The following RNH1 variants were observed in gnomAD, a reference collection of about 807,000 sequenced individuals.
The protein encoded by RNH1 is ribonuclease/angiogenin inhibitor 1.
Under a neutral mutation model 46.1 loss-of-function variants are expected in RNH1, and 38 were observed. That is an observed-to-expected ratio of 0.82 (90% CI 0.64 to 1.08). The LOEUF (loss-of-function observed/expected upper bound fraction) is 1.08. Ranked by LOEUF, RNH1 falls within the 50% of genes least tolerant of loss-of-function variation. RNH1 has a pLI of 0.00. For synonymous variants in RNH1, 319 were observed against 279.1 expected (o/e 1.14, Z -1.43); for missense variants, 577 against 590.7 (o/e 0.98, Z 0.24).
At chr11:498,728 C>G (rs756999715) in intron 7 of RNH1, 35 bp downstream of exon 7, 1 of 1,590,164 alleles carries the variant, frequency 6.3e-7, no homozygotes, top group Non-Finnish European at 8.5e-7. Context: ...CGCCGCCCGA[C>G]CCTCCGGGAA....
chr11:500,748 G>C lies in RNH1; in HGVS notation c.102-94C>G, dbSNP rs576431776. ...ACGTGCAGGTTACAACCTATCAGTG[G>C]GCCCAGAAGACAGCAAGGCAAGTCA... On this transcript the variant is annotated intron_variant, in intron 3 of 10. Transcript: ENST00000354420. The C allele has an allele frequency of 3.1e-4, 411 of 1,329,396 alleles. 6 individuals carry two copies. The South Asian group carries it at 4.8e-3, about 15-fold the overall frequency. 82.4% of individuals were successfully genotyped at this position (1,329,396 alleles called of 1,614,324 possible).
rs368274695 is a variant in RNH1 at position 494,674 on chromosome 11, C to T, written c.*17G>A. 16 of 1,611,818 alleles carry T rather than the reference C, an allele frequency of 9.9e-6. No individual in the cohort carries two copies. The African/African-American group carries it at 1.6e-4, about 16-fold the overall frequency. ...CTCGAGGCCGGTCGTCCAGGGAGAG[C>T]AGCAGCAGGAAGAGCCTCAGGAGAT... On this transcript the variant is annotated 3_prime_UTR_variant, in exon 11 of 11. Coordinates refer to ENST00000354420, the MANE Select transcript of RNH1 (RefSeq NM_203387.3).
At position 501,835 on chromosome 11, in the gene RNH1, C is replaced by G. The variant is rs951730200; in HGVS notation, c.101+227G>C. 7.2e-6 allele frequency: 4 copies of G among 559,266 alleles called. No individual in the cohort carries two copies. In the African/African-American group the frequency reaches 7.5e-5, roughly 11 times the overall value. The allele number at this position is 559,266 out of a possible 1,614,324, so 34.6% of individuals were successfully genotyped here. ...CCCACTGGCCAGTGGCCGCCCACCT[C>G]GGCCCGCCCACCTCAGCCCATGCTG... is the stretch of plus-strand genomic sequence containing the variant. On this transcript the variant is annotated intron_variant, in intron 3 of 10. Transcript: ENST00000354420. This position sits in a 1 kb window ranked among gnomAD's most constrained non-coding sequence, Gnocchi z 4.1.
At chr11:495,335 C>T (rs2133865868) in intron 9 of RNH1, among the ~76,000 whole-genome samples, 1 of 152,292 alleles carries the variant, frequency 6.6e-6, no homozygotes, top group East Asian at 1.9e-4. Flanking sequence ...ACCCAGAGAG[C>T]CACACCCACC....
chr11:497,835 A>G (rs1340891560), intron 9 of RNH1, 136 bp downstream of exon 9: 2 of 1,054,448 alleles, frequency 1.9e-6, no homozygotes, highest in Non-Finnish European at 2.7e-6. Flanking sequence ...ACGTGCTCAC[A>G]CTCGCCTCAC....
At chr11:499,395 C>T (rs912968973) in intron 5 of RNH1, 43 of 671,876 alleles carry the variant, frequency 6.4e-5, no homozygotes, top group Admixed American at 3.7e-4. Context: ...CACCCCCTCC[C>T]GGACCTCAGA....
chr11:495,785 G>A (rs953963266), intron 9 of RNH1, among the ~76,000 whole-genome samples: 3 of 152,156 alleles, frequency 2.0e-5, no homozygotes, highest in East Asian at 3.9e-4. Context: ...GGAAGCCCTC[G>A]AGAAACGCAG....
At chr11:498,962 C>T (rs761332507) in intron 6 of RNH1, 29 bp from the exon 7 acceptor site, 2 of 1,611,336 alleles carry the variant, frequency 1.2e-6, no homozygotes, top group Admixed American at 1.7e-5. Context: ...CGTGAGGCAG[C>T]ACGGGACCCC....
At chr11:495,114 G>C in intron 9 of RNH1, 61 bp from the exon 10 acceptor site, 1 of 1,529,590 alleles carries the variant, frequency 6.5e-7, no homozygotes, top group Non-Finnish European at 8.8e-7. Flanking sequence ...CTGACCGGCA[G>C]AGCAGGCCTG....
intron 9 of RNH1, 46 bp from the exon 10 acceptor site, chr11:495,099 CCGCACTGA>C: frequency 6.4e-7 from 1 of 1,565,340 alleles, no homozygotes; most frequent in Non-Finnish European, 8.7e-7. Flanking sequence ...GTGCCTGGCA[CCGCACTGA>C]CCGGCAGAGC....
At chr11:499,635 C>A (rs749327245) in intron 5 of RNH1, 194 bp downstream of exon 5, 3 of 755,502 alleles carry the variant, frequency 4.0e-6, no homozygotes, top group Non-Finnish European at 6.9e-6. Flanking sequence ...CAGATCCCCC[C>A]AGCCCCAGCA....
intron 1 of RNH1, chr11:505,935 A>AGT (rs1333512582): frequency 7.1e-6 from 1 of 140,152 alleles, no homozygotes; most frequent in Non-Finnish European, 1.5e-5. Context: ...GCTGGAGTGC[A>AGT]GTGGCACGAT....
rs1849807985 is a variant in RNH1, at chr11:502,188, G to A, written c.-26C>T. The A allele has an allele frequency of 1.9e-6, 3 of 1,558,352 alleles. No homozygotes were observed. Among genetic ancestry groups the A allele is most frequent in the South Asian group, 2.3e-5 (2 of 87,916 alleles). On this transcript the variant is annotated 5_prime_UTR_variant, in exon 3 of 11. Coordinates refer to ENST00000354420, the MANE Select transcript of RNH1 (RefSeq NM_203387.3). The surrounding 1 kb of genome is among the most constrained non-coding windows in gnomAD (Gnocchi z 5.8). ...GGTGGAGGTGAAGAGTGGCCTGGGT[G>A]GGAGGCAGAGGGAAGAGGACGTCTT...
intron 5 of RNH1, 128 bp downstream of exon 5, chr11:499,701 G>A (rs1368931140): frequency 4.4e-6 from 5 of 1,127,248 alleles, no homozygotes; most frequent in Non-Finnish European, 5.3e-6. Flanking sequence ...GGGGAAAGGA[G>A]AGCACCACAA....
intron 3 of RNH1, 118 bp from the exon 4 acceptor site, chr11:500,772 C>T: frequency 9.5e-7 from 1 of 1,047,756 alleles, no homozygotes; most frequent in Non-Finnish European, 1.4e-6. Context: ...CAAGGCAAGT[C>T]ACACAAGACA....
intron 1 of RNH1, 75 bp from the exon 2 acceptor site, chr11:505,071 T>C (rs1339375081): frequency 6.6e-6 from 1 of 151,976 alleles, no homozygotes; most frequent in Non-Finnish European, 1.5e-5. Context: ...CCAATGGATA[T>C]CTTAAATGTA....
At chr11:506,958 C>G (rs1286628720) in intron 1 of RNH1, 155 bp downstream of exon 1, 1 of 152,276 alleles carries the variant, frequency 6.6e-6, no homozygotes, top group Non-Finnish European at 1.5e-5. Context: ...GCCCCGGACC[C>G]CTGCCCCGCC....
At position 500,567 on chromosome 11, in the gene RNH1, C is replaced by T. The variant is rs759366479; in HGVS notation, c.189G>A (p.Leu63=). Residue 63 remains leucine (L), a synonymous_variant, in exon 4 of 11, where the codon CTG becomes CTA. Transcript: ENST00000354420. ...RVNPALAELN[L]RSNELGDVGV... is the part of the protein sequence containing the mutation. ...CGACATCGCCCAGCTCGTTGCTGCG[C>T]AGGTTGAGCTCTGCCAGTGCAGGGT... is the stretch of plus-strand genomic sequence containing the variant. 1 of 1,611,046 alleles carries T rather than the reference C, an allele frequency of 6.2e-7. No homozygotes were observed. The highest frequency in any genetic ancestry group is 8.5e-7 in the Non-Finnish European group (1 of 1,180,008).
chr11:499,976 C>T lies in RNH1; in HGVS notation c.296G>A (p.Gly99Glu). 1 of 1,584,790 alleles carries T rather than the reference C, an allele frequency of 6.3e-7. No homozygotes were observed. Among genetic ancestry groups the T allele is most frequent in the African/African-American group, 1.3e-5 (1 of 74,366 alleles). ...GCTGGACAGGACCCCGCAGCCGGCC[C>T]CCGTCAGGCAGCAGTTCTGGAGGCT... ...KLSLQNCCLT[G>E]AGCGVLSSTL... is the part of the protein sequence containing the mutation. The change falls in exon 5 of 11, where the codon GGG (glycine) becomes GAG (glutamate). Residue 99 changes from glycine (G) to glutamate (E), a missense_variant. Gly to Glu is a moderately conservative substitution (Grantham distance 98). Transcript: ENST00000354420.
Sources: gnomAD v4.1 joint callset for allele counts (sites outside exome capture counted in the v4.1 genomes callset) on GRCh38, gnomAD v4.1.1 for gene constraint, Gnocchi (gnomAD v3.1) non-coding constraint, MANE v1.5 for transcripts, NCBI Gene and HGNC (gene_info 2026-07-23, HGNC 2026-07-21) for gene names.